Variants in SFXN1 observed in about 807,000 individuals in gnomAD.
SFXN1 encodes sideroflexin 1, also known as sideroflexin-1.
A neutral mutation model predicts 39.5 loss-of-function variants in SFXN1; 32 were observed. That is an observed-to-expected ratio of 0.81 (90% CI 0.61 to 1.09). The LOEUF is 1.09. Ranked by LOEUF, SFXN1 falls within the 50% of genes least tolerant of loss-of-function variation. The pLI is 0.00. For synonymous variants in SFXN1, 136 were observed against 146.5 expected (o/e 0.93, Z 0.52); for missense variants, 402 against 407.1 (o/e 0.99, Z 0.11).
intron 2 of SFXN1, among the ~76,000 whole-genome samples, chr5:175,500,502 G>C (rs1360679277): frequency 6.6e-6 from 1 of 150,970 alleles, no homozygotes; most frequent in Non-Finnish European, 1.5e-5. Flanking sequence ...AAACTGGAGA[G>C]ATATACAGTG....
intron 1 of SFXN1, 146 bp from the exon 2 acceptor site, chr5:175,491,949 C>A: frequency 4.0e-6 from 2 of 497,090 alleles, no homozygotes; most frequent in Non-Finnish European, 7.0e-6. Flanking sequence ...ATTTAGATGG[C>A]CTTTTTGCCA....
At chr5:175,481,660 G>A (rs1018567290) in intron 1 of SFXN1, among the ~76,000 whole-genome samples, 2 of 152,194 alleles carry the variant, frequency 1.3e-5, no homozygotes, top group Non-Finnish European at 2.9e-5. Context: ...GCATGGGAGG[G>A]GAGAACATGG....
intron 2 of SFXN1, among the ~76,000 whole-genome samples, chr5:175,496,331 T>G (rs2113292060): frequency 6.6e-6 from 1 of 151,120 alleles, no homozygotes; most frequent in Non-Finnish European, 1.5e-5. Context: ...CCGAGATCGC[T>G]CCCTGCACTC....
chr5:175,479,669 A>T (rs1055705625), intron 1 of SFXN1, among the ~76,000 whole-genome samples: 1 of 152,148 alleles, frequency 6.6e-6, no homozygotes, highest in African/African-American at 2.4e-5. Context: ...AATTGCCTGC[A>T]CCAAGAAGGC....
chr5:175,525,327 A>T (rs1285167709), intron 10 of SFXN1, among the ~76,000 whole-genome samples: 2 of 152,204 alleles, frequency 1.3e-5, no homozygotes, highest in Non-Finnish European at 2.9e-5. Flanking sequence ...TACAATTATA[A>T]TACTGGACTT....
intron 9 of SFXN1, 101 bp from the exon 10 acceptor site, chr5:175,522,274 T>C (rs1760905492): frequency 8.3e-7 from 1 of 1,202,040 alleles, no homozygotes; most frequent in Non-Finnish European, 1.2e-6. Context: ...CAGAACGTAA[T>C]GCTCTGAAGA....
chr5:175,510,150 C>T lies in SFXN1; in HGVS notation c.377C>T (p.Ser126Phe). The stretch of plus-strand genomic sequence containing the variant: ...CTGTTCTGGCAGTGGATTAACCAGT[C>T]CTTCAATGCCGTCGTCAATTACACC... ...AVLFWQWINQSFNAVVNYTNR... is the reference protein window; with the variant it reads ...AVLFWQWINQFFNAVVNYTNR... The change falls in exon 4 of 11, where the codon TCC becomes TTC. Residue 126 changes from serine to phenylalanine, a missense_variant. Ser to Phe is a radical substitution (Grantham distance 155, BLOSUM62 -2). Transcript: ENST00000321442. 6.2e-7 allele frequency: 1 copy of T among 1,613,428 alleles called. No individual in the cohort carries two copies. Among genetic ancestry groups the T allele is most frequent in the Non-Finnish European group, 8.5e-7 (1 of 1,179,776 alleles).
intron 1 of SFXN1, among the ~76,000 whole-genome samples, chr5:175,485,639 A>G (rs1759423075): frequency 6.6e-6 from 1 of 152,252 alleles, no homozygotes; most frequent in African/African-American, 2.4e-5. Flanking sequence ...GTGCTCAATA[A>G]ATAGATACTA....
chr5:175,479,088 G>C (rs1759137863), intron 1 of SFXN1, among the ~76,000 whole-genome samples: 1 of 152,336 alleles, frequency 6.6e-6, no homozygotes, highest in South Asian at 2.1e-4. Flanking sequence ...GCTGGGGGTC[G>C]GAGGGGAGAC....
intron 8 of SFXN1, among the ~76,000 whole-genome samples, chr5:175,520,718 G>C (rs1760853592): frequency 6.6e-6 from 1 of 152,156 alleles, no homozygotes; most frequent in Admixed American, 6.5e-5. Flanking sequence ...CTCTCGCTAA[G>C]TACTATGTTT....
In SFXN1 at chr5:175,505,060, G is replaced by A. The variant is rs180755915; in HGVS notation, c.165-3972G>A. 2.6e-5 allele frequency among the ~76,000 whole-genome samples: 4 copies of A among 152,256 alleles called. No individual in the cohort carries two copies. The East Asian group carries it at 7.7e-4, about 29-fold the overall frequency. ...TTTTTTAAAAATGTAAAGTACTTGG[G>A]AAGAAACGCACCCAGAAATTTGCGT... On this transcript the variant is annotated intron_variant, in intron 2 of 10. Coordinates refer to ENST00000321442, the MANE Select transcript of SFXN1 (RefSeq NM_022754.7).
chr5:175,522,456 G>A (rs1760912036), intron 10 of SFXN1, 34 bp downstream of exon 10: 1 of 1,603,078 alleles, frequency 6.2e-7, no homozygotes, highest in Non-Finnish European at 8.5e-7. Flanking sequence ...ATCATCATGA[G>A]TATTAATCCT....
At chr5:175,497,611 C>A (rs1430607030) in intron 2 of SFXN1, among the ~76,000 whole-genome samples, 1 of 152,026 alleles carries the variant, frequency 6.6e-6, no homozygotes, top group Admixed American at 6.6e-5. Context: ...GGGTGGTTAG[C>A]AATACAAATA....
chr5:175,479,465 G>C (rs536259613), intron 1 of SFXN1, among the ~76,000 whole-genome samples: 80 of 152,220 alleles, frequency 5.3e-4, no homozygotes, highest in Non-Finnish European at 9.8e-4. Flanking sequence ...TCTCAAAGAC[G>C]CTTTTCCTTG....
intron 2 of SFXN1, among the ~76,000 whole-genome samples, chr5:175,503,639 C>T (rs1561663809): frequency 6.6e-6 from 1 of 152,100 alleles, no homozygotes; most frequent in Non-Finnish European, 1.5e-5. Context: ...ATGCATATCC[C>T]ACATCAGTAG....
chr5:175,491,304 T>A (rs1759645192), intron 1 of SFXN1, among the ~76,000 whole-genome samples: 1 of 152,168 alleles, frequency 6.6e-6, no homozygotes, highest in Non-Finnish European at 1.5e-5. Flanking sequence ...CAAGGCTGAA[T>A]GAATCTGCGT....
rs566769009 is a variant in SFXN1, at chr5:175,481,391, A to G, written c.-10+2752A>G. On this transcript the variant is annotated intron_variant, in intron 1 of 10. Coordinates refer to ENST00000321442, the MANE Select transcript of SFXN1 (RefSeq NM_022754.7). ...GGCTGGAGTGCAGTGGCACGATCTC[A>G]GCTCACTGCAACCTCTGCCTCCCGG... Among the ~76,000 whole-genome samples the G allele has an allele frequency of 2.4e-3, 368 of 152,248 alleles. 2 individuals carry two copies. Among genetic ancestry groups the G allele is most frequent in the African/African-American group, 7.7e-3 (322 of 41,550 alleles).
At chr5:175,524,572 A>G (rs993764078) in intron 10 of SFXN1, among the ~76,000 whole-genome samples, 2 of 152,136 alleles carry the variant, frequency 1.3e-5, no homozygotes, top group East Asian at 3.9e-4. Context: ...TTAAATGTTT[A>G]TATTATGAAG....
At chr5:175,478,724 G>C (rs1168674136) in intron 1 of SFXN1, 85 bp downstream of exon 1, 1 of 152,070 alleles carries the variant, frequency 6.6e-6, no homozygotes, top group East Asian at 1.9e-4. Context: ...GGGCAGGCTC[G>C]GGCCGTGCAC....
Sources: allele counts gnomAD v4.1 joint callset (sites outside exome capture counted in the v4.1 genomes callset), GRCh38; gene constraint gnomAD v4.1.1; transcripts MANE v1.5; gene names NCBI Gene and HGNC (gene_info 2026-07-23, HGNC 2026-07-21).